The following DGKB variants were observed in gnomAD, a reference collection of about 807,000 sequenced individuals.
The protein encoded by DGKB is diacylglycerol kinase beta, also known as 90 kDa diacylglycerol kinase.
DGKB carries 67 observed loss-of-function variants against 114.3 expected under a neutral mutation model. The ratio of observed to expected loss-of-function variants is 0.59; its 90% CI spans 0.48 to 0.72. The LOEUF is 0.72. Ranked by LOEUF, DGKB falls within the 30% of genes least tolerant of loss-of-function variation. The pLI is 0.00. For missense variants in DGKB, 907 were observed against 975.2 expected (o/e 0.93, Z 0.93); for synonymous variants, 398 against 323.1 (o/e 1.23, Z -2.49).
chr7:14,843,028 C>A, intron 1 of DGKB, among the ~76,000 whole-genome samples: 1 of 151,906 alleles, frequency 6.6e-6, no homozygotes, highest in Non-Finnish European at 1.5e-5. Flanking sequence ...GACAACATAA[C>A]GAGACCCCAT....
intron 20 of DGKB, among the ~76,000 whole-genome samples, chr7:14,501,414 G>C (rs1343746175): frequency 5.9e-5 from 9 of 151,842 alleles, no homozygotes; most frequent in African/African-American, 1.9e-4. Flanking sequence ...AACATACAAA[G>C]TTTTTAAAGG....
At chr7:14,643,910 T>G (rs1812366067) in intron 13 of DGKB, among the ~76,000 whole-genome samples, 1 of 152,164 alleles carries the variant, frequency 6.6e-6, no homozygotes. Flanking sequence ...GTGGGGCTGC[T>G]GCGCACCTTT....
At chr7:14,302,569 A>G (rs1189371797) in intron 23 of DGKB, among the ~76,000 whole-genome samples, 1 of 152,172 alleles carries the variant, frequency 6.6e-6, no homozygotes, top group Non-Finnish European at 1.5e-5. Context: ...CTCTTGTTCA[A>G]AAGGACAAAA....
At chr7:14,321,579 T>C (rs1807814469) in intron 23 of DGKB, among the ~76,000 whole-genome samples, 1 of 143,716 alleles carries the variant, frequency 7.0e-6, no homozygotes, top group African/African-American at 2.6e-5. Context: ...AGCCTTGCAC[T>C]GGAGACTTTA....
At chr7:14,426,519 G>A (rs1481015516) in intron 21 of DGKB, among the ~76,000 whole-genome samples, 2 of 152,106 alleles carry the variant, frequency 1.3e-5, no homozygotes, top group Non-Finnish European at 2.9e-5. Context: ...GAAATAACAA[G>A]TCTTTATAAA....
intron 1 of DGKB, among the ~76,000 whole-genome samples, chr7:14,923,771 A>C (rs946490486): frequency 5.9e-5 from 9 of 151,902 alleles, no homozygotes; most frequent in Non-Finnish European, 1.2e-4. Context: ...AAGGCGGGCG[A>C]ATCACCTGAG....
At chr7:14,614,401 T>G (rs918134291) in intron 15 of DGKB, among the ~76,000 whole-genome samples, 3 of 152,096 alleles carry the variant, frequency 2.0e-5, no homozygotes, top group African/African-American at 7.2e-5. Context: ...TGAAAAAAAT[T>G]TAATAACAAA....
chr7:14,792,942 C>G (rs1414312815), intron 2 of DGKB, among the ~76,000 whole-genome samples: 1 of 152,074 alleles, frequency 6.6e-6, no homozygotes, highest in Non-Finnish European at 1.5e-5. Flanking sequence ...TAAAAATGCT[C>G]TTTTGGCAGA....
At chr7:14,910,299 AAAGAAAGAAAGAAAG>A (rs1783931238) in intron 1 of DGKB, among the ~76,000 whole-genome samples, 1 of 137,980 alleles carries the variant, frequency 7.2e-6, no homozygotes, top group African/African-American at 2.7e-5. Flanking sequence ...AGAAAGAAAG[AAAGAAAGAAAGAAAG>A]AACCTTATAT....
chr7:14,823,432 A>G lies in DGKB; in HGVS notation c.70+17762T>C, dbSNP rs1026197991. On this transcript the variant is annotated intron_variant, in intron 2 of 25. Coordinates refer to ENST00000402815, the MANE Select transcript of DGKB (RefSeq NM_001350709.2). ...GGAGAGAAAACACAGTTATTGTAAC[A>G]TATTATTCAAGGTAAAAATCACTAA... is the stretch of plus-strand genomic sequence containing the variant. Among the ~76,000 whole-genome samples the G allele has an allele frequency of 4.6e-5, 7 of 152,148 alleles. 1 individual carries two copies. Among genetic ancestry groups the G allele is most frequent in the Admixed American group, 4.6e-4 (7 of 15,260 alleles).
intron 23 of DGKB, among the ~76,000 whole-genome samples, chr7:14,198,845 A>G (rs1206182632): frequency 1.3e-5 from 2 of 151,978 alleles, no homozygotes; most frequent in Non-Finnish European, 2.9e-5. Context: ...ATGAGGAGGG[A>G]TAGGGGGAAC....
chr7:14,681,532 G>C (rs1820838192), intron 12 of DGKB, among the ~76,000 whole-genome samples: 1 of 151,884 alleles, frequency 6.6e-6, no homozygotes, highest in Non-Finnish European at 1.5e-5. Context: ...TGGGGACACA[G>C]TGGAGACAGT....
At chr7:14,677,409 G>T (rs558368916) in intron 12 of DGKB, among the ~76,000 whole-genome samples, 1 of 151,980 alleles carries the variant, frequency 6.6e-6, no homozygotes, top group Non-Finnish European at 1.5e-5. Context: ...TTTGCAGTTT[G>T]GGGTACTTCC....
At chr7:14,321,269 C>A (rs1317510938) in intron 23 of DGKB, among the ~76,000 whole-genome samples, 1 of 151,900 alleles carries the variant, frequency 6.6e-6, no homozygotes, top group Non-Finnish European at 1.5e-5. Flanking sequence ...TCAGCCTGGG[C>A]AACAGAGTGA....
At chr7:14,439,576 T>C (rs1246444154) in intron 21 of DGKB, among the ~76,000 whole-genome samples, 1 of 151,956 alleles carries the variant, frequency 6.6e-6, no homozygotes, top group Non-Finnish European at 1.5e-5. Flanking sequence ...CTCTAAAACA[T>C]AAACATTAGA....
At chr7:14,486,615 G>T (rs1338232652) in intron 20 of DGKB, among the ~76,000 whole-genome samples, 1 of 152,154 alleles carries the variant, frequency 6.6e-6, no homozygotes, top group Non-Finnish European at 1.5e-5. Context: ...AAGAAAGAGG[G>T]CAAGGGAACT....
At chr7:14,363,051 T>C (rs1816031508) in intron 21 of DGKB, among the ~76,000 whole-genome samples, 2 of 152,130 alleles carry the variant, frequency 1.3e-5, no homozygotes, top group Non-Finnish European at 2.9e-5. Context: ...GAGACCTCCA[T>C]GTTAATAAGC....
At chr7:14,916,188 T>G (rs1244117490) in intron 1 of DGKB, among the ~76,000 whole-genome samples, 1 of 151,808 alleles carries the variant, frequency 6.6e-6, no homozygotes, top group Non-Finnish European at 1.5e-5. Flanking sequence ...CCCCTAACAT[T>G]TTTGAAGAAG....
chr7:14,776,916 C>T (rs758456179), intron 2 of DGKB, among the ~76,000 whole-genome samples: 11 of 152,282 alleles, frequency 7.2e-5, no homozygotes, highest in South Asian at 6.2e-4. Flanking sequence ...ACACTCAATG[C>T]TAGCTATGAA....
Sources: gnomAD v4.1 joint callset for allele counts (sites outside exome capture counted in the v4.1 genomes callset) on GRCh38, gnomAD v4.1.1 for gene constraint, MANE v1.5 for transcripts, NCBI Gene and HGNC (gene_info 2026-07-23, HGNC 2026-07-21) for gene names.